SGCZ: variants seen among roughly 807,000 people sequenced by gnomAD.
SGCZ encodes the protein zeta-sarcoglycan.
SGCZ carries 40 observed loss-of-function variants against 41.3 expected under a neutral mutation model. The ratio of observed to expected loss-of-function variants is 0.97; its 90% CI spans 0.75 to 1.26. The LOEUF is 1.26. Among genes scored for constraint, SGCZ ranks in the 50% most tolerant of loss-of-function variants. SGCZ has a pLI of 0.00. For synonymous variants in SGCZ, 206 were observed against 137.5 expected (o/e 1.50, Z -3.49); for missense variants, 552 against 369.8 (o/e 1.49, Z -4.04).
intron 1 of SGCZ, among the ~76,000 whole-genome samples, chr8:14,841,391 G>A (rs1802905608): frequency 6.6e-6 from 1 of 151,956 alleles, no homozygotes; most frequent in Non-Finnish European, 1.5e-5. Context: ...TTGCATTCAG[G>A]GAAATGTTGT....
At chr8:15,209,623 T>G (rs1353745743) in intron 1 of SGCZ, among the ~76,000 whole-genome samples, 2 of 152,098 alleles carry the variant, frequency 1.3e-5, no homozygotes, top group Non-Finnish European at 2.9e-5. Context: ...ATTCTGTAAG[T>G]GAGAAGATTG....
intron 1 of SGCZ, among the ~76,000 whole-genome samples, chr8:14,844,982 G>C (rs1309614839): frequency 6.6e-6 from 1 of 152,168 alleles, no homozygotes; most frequent in African/African-American, 2.4e-5. Context: ...ATGGCTGAGA[G>C]TTTAGGTGGA....
intron 3 of SGCZ, among the ~76,000 whole-genome samples, chr8:14,239,004 C>G (rs148238601): frequency 7.3e-5 from 11 of 150,024 alleles, no homozygotes; most frequent in African/African-American, 2.7e-4. Flanking sequence ...ATTTTTATTT[C>G]GACAGATTTA....
At chr8:15,196,512 G>T (rs1414013139) in intron 1 of SGCZ, among the ~76,000 whole-genome samples, 1 of 152,030 alleles carries the variant, frequency 6.6e-6, no homozygotes, top group African/African-American at 2.4e-5. Flanking sequence ...ACTCCATTAG[G>T]TTAAAACTAA....
At chr8:14,727,979 CAAA>C (rs1231956545) in intron 1 of SGCZ, among the ~76,000 whole-genome samples, 1 of 152,058 alleles carries the variant, frequency 6.6e-6, no homozygotes, top group Non-Finnish European at 1.5e-5. Flanking sequence ...TACTCTGAAA[CAAA>C]AGAAGCTAGA....
intron 2 of SGCZ, among the ~76,000 whole-genome samples, chr8:14,442,407 C>A (rs1238153860): frequency 6.6e-6 from 1 of 152,288 alleles, no homozygotes; most frequent in Admixed American, 6.5e-5. Context: ...GCCTCTTCAG[C>A]CATGTGGAAC....
chr8:14,295,222 A>C (rs1302577491), intron 3 of SGCZ, among the ~76,000 whole-genome samples: 3 of 152,192 alleles, frequency 2.0e-5, no homozygotes, highest in African/African-American at 7.2e-5. Context: ...AACTCTTTAT[A>C]GTCAATCCAT....
intron 3 of SGCZ, among the ~76,000 whole-genome samples, chr8:14,244,782 G>C (rs577387248): frequency 3.3e-5 from 5 of 152,042 alleles, no homozygotes; most frequent in African/African-American, 1.2e-4. Flanking sequence ...TCAGTGGTTT[G>C]TAGTTCTCCT....
intron 3 of SGCZ, among the ~76,000 whole-genome samples, chr8:14,302,843 C>T (rs535063662): frequency 5.3e-5 from 8 of 152,236 alleles, no homozygotes; most frequent in East Asian, 3.9e-4. Flanking sequence ...ATTCTGATGA[C>T]GTCACTTAAA....
chr8:14,259,895 CT>C (rs1296409286), intron 3 of SGCZ, among the ~76,000 whole-genome samples: 1 of 151,992 alleles, frequency 6.6e-6, no homozygotes, highest in Non-Finnish European at 1.5e-5. Context: ...TGTAAATTAC[CT>C]TGGGCAGTAT....
chr8:14,328,137 T>G (rs1444719894), intron 2 of SGCZ, among the ~76,000 whole-genome samples: 1 of 152,308 alleles, frequency 6.6e-6, no homozygotes, highest in East Asian at 1.9e-4. Flanking sequence ...TATAAAGCTG[T>G]ATAACATATA....
intron 1 of SGCZ, among the ~76,000 whole-genome samples, chr8:14,591,342 T>G (rs949159662): frequency 2.6e-5 from 4 of 152,100 alleles, no homozygotes; most frequent in African/African-American, 9.6e-5. Context: ...CCAGGCCCCT[T>G]TTAAACAAAT....
Position 15,238,412 on chromosome 8 carries a change from C to G in SGCZ, c.-789G>C, listed in dbSNP as rs1338838234. On this transcript the variant is annotated 5_prime_UTR_variant, in exon 1 of 8. Coordinates refer to ENST00000382080, the MANE Select transcript of SGCZ (RefSeq NM_139167.4). ...CCACCAGGTGACTGACTTCGCTTCT[C>G]TCTTCCCACAGCCAACACTAAGGGG... The G allele has an allele frequency of 2.0e-5, 3 of 152,282 alleles. No homozygotes were observed. The highest frequency in any genetic ancestry group is 2.4e-5 in the African/African-American group (1 of 41,468). The allele number at this position is 152,282 out of a possible 1,614,324, so 9.4% of individuals were successfully genotyped here. A position where few individuals can be genotyped will look rare whatever the true frequency, so the allele number is the denominator to read the frequency against.
In SGCZ at chr8:14,429,352, G is replaced by T. The variant is rs150912280; in HGVS notation, c.235-105148C>A. Among the ~76,000 whole-genome samples, 14 of 152,218 alleles carry T rather than the reference G, an allele frequency of 9.2e-5. No homozygotes were observed. The East Asian group carries it at 2.7e-3, about 30-fold the overall frequency. ...GGAGGAAGTCCAGGCATAAAGCCTG[G>T]GCTATCAGCAGAATGTTCCAGGCAA... On this transcript the variant is annotated intron_variant, in intron 2 of 7. Coordinates refer to ENST00000382080, the MANE Select transcript of SGCZ (RefSeq NM_139167.4).
chr8:14,438,798 A>T (rs1800163414), intron 2 of SGCZ, among the ~76,000 whole-genome samples: 1 of 152,046 alleles, frequency 6.6e-6, no homozygotes, highest in African/African-American at 2.4e-5. Flanking sequence ...AAACCATGAT[A>T]ATTTTAATTA....
At chr8:14,113,177 T>C (rs1470433189) in intron 5 of SGCZ, among the ~76,000 whole-genome samples, 1 of 152,122 alleles carries the variant, frequency 6.6e-6, no homozygotes, top group Non-Finnish European at 1.5e-5. Flanking sequence ...ATAATTATTT[T>C]CCTGGACACT....
At chr8:14,915,904 C>A (rs1799422115) in intron 1 of SGCZ, among the ~76,000 whole-genome samples, 1 of 152,172 alleles carries the variant, frequency 6.6e-6, no homozygotes, top group African/African-American at 2.4e-5. Flanking sequence ...AGGGTATATA[C>A]TCCAGGCAAA....
intron 1 of SGCZ, among the ~76,000 whole-genome samples, chr8:15,041,484 A>G (rs1027443047): frequency 2.6e-5 from 4 of 151,992 alleles, no homozygotes; most frequent in African/African-American, 9.7e-5. Flanking sequence ...TATATGGCTT[A>G]TTTTCTTTAT....
chr8:14,704,505 A>C (rs1809265991), intron 1 of SGCZ, among the ~76,000 whole-genome samples: 1 of 152,018 alleles, frequency 6.6e-6, no homozygotes, highest in African/African-American at 2.4e-5. Context: ...CTTAATGATT[A>C]TTACAGCTGA....
Sources: allele counts gnomAD v4.1 joint callset (sites outside exome capture counted in the v4.1 genomes callset), GRCh38; gene constraint gnomAD v4.1.1; transcripts MANE v1.5; gene names NCBI Gene and HGNC (gene_info 2026-07-23, HGNC 2026-07-21).